The following PSD3 variants were observed in gnomAD, a reference collection of about 807,000 sequenced individuals.
PSD3 encodes the protein pleckstrin and Sec7 domain containing 3.
PSD3 carries 49 observed loss-of-function variants against 105.5 expected under a neutral mutation model. The observed-to-expected ratio is 0.46, with a 90% CI of 0.37 to 0.59. The LOEUF is 0.59. PSD3 is among the 20% of genes least tolerant of loss of function. The probability of loss-of-function intolerance (pLI) is 0.00; values close to 1 mark genes in which losing one functional copy is unlikely to be tolerated. For missense variants in PSD3, 1,561 were observed against 1,263.8 expected (o/e 1.24, Z -3.57); for synonymous variants, 557 against 457.8 (o/e 1.22, Z -2.77).
chr8:18,724,603 C>T (rs1045968289), intron 9 of PSD3, among the ~76,000 whole-genome samples: 5 of 151,686 alleles, frequency 3.3e-5, no homozygotes, highest in South Asian at 4.2e-4. Context: ...CAGAGTGAGA[C>T]CCTGTCTCTA....
intron 2 of PSD3, among the ~76,000 whole-genome samples, chr8:18,910,135 G>A (rs1443749801): frequency 6.6e-6 from 1 of 152,060 alleles, no homozygotes; most frequent in Non-Finnish European, 1.5e-5. Flanking sequence ...TCCCATTACT[G>A]GGTATATACC....
At chr8:18,828,918 G>A (rs1049779438) in intron 4 of PSD3, among the ~76,000 whole-genome samples, 2 of 152,124 alleles carry the variant, frequency 1.3e-5, no homozygotes, top group African/African-American at 4.8e-5. Flanking sequence ...GGCCAACATG[G>A]TGAAACCCTG....
At chr8:18,964,232 T>C (rs1824107226) in intron 1 of PSD3, among the ~76,000 whole-genome samples, 1 of 152,148 alleles carries the variant, frequency 6.6e-6, no homozygotes, top group Non-Finnish European at 1.5e-5. Flanking sequence ...TCATGTGACC[T>C]CCCACCTCAG....
Position 18,978,083 on chromosome 8 carries a change from C to A in PSD3, c.21+35480G>T, listed in dbSNP as rs549301033. On this transcript the variant is annotated intron_variant, in intron 1 of 15. Transcript: ENST00000327040. ...TGCCATTCTCCATTGGGCCAGGCTCCCACCTGACTTTAGGGAGGAATTTGA... is the reference window on the plus strand; with the variant it reads ...TGCCATTCTCCATTGGGCCAGGCTCACACCTGACTTTAGGGAGGAATTTGA... 4.6e-5 allele frequency among the ~76,000 whole-genome samples: 7 copies of A among 152,318 alleles called. No homozygotes were observed. In the South Asian group the frequency reaches 1.4e-3, roughly 32 times the overall value.
chr8:18,961,924 C>T (rs1169055826), intron 1 of PSD3, among the ~76,000 whole-genome samples: 11 of 152,040 alleles, frequency 7.2e-5, no homozygotes, highest in African/African-American at 2.4e-4. Context: ...TGCTTTCCTG[C>T]GAAAACCATG....
At chr8:18,554,064 A>C (rs1355052376) in intron 15 of PSD3, among the ~76,000 whole-genome samples, 1 of 152,204 alleles carries the variant, frequency 6.6e-6, no homozygotes, top group Non-Finnish European at 1.5e-5. Flanking sequence ...CATTTTCAGA[A>C]AAGAGGTAGC....
chr8:18,623,272 G>A (rs1166812470), intron 11 of PSD3, among the ~76,000 whole-genome samples: 1 of 151,662 alleles, frequency 6.6e-6, no homozygotes, highest in Non-Finnish European at 1.5e-5. Flanking sequence ...ATCCTTATAT[G>A]TTTCTAAATT....
At chr8:18,593,552 G>A (rs1333030447) in intron 12 of PSD3, among the ~76,000 whole-genome samples, 1 of 152,096 alleles carries the variant, frequency 6.6e-6, no homozygotes, top group Non-Finnish European at 1.5e-5. Context: ...CAACCATTGT[G>A]GAAGACAGTG....
intron 12 of PSD3, 97 bp from the exon 13 acceptor site, chr8:18,575,382 T>C: frequency 8.6e-7 from 1 of 1,164,594 alleles, no homozygotes; most frequent in South Asian, 2.2e-5. Flanking sequence ...TTTTAGGAAA[T>C]CCAAGTAAGT....
At chr8:18,618,082 C>G (rs769806688) in intron 11 of PSD3, among the ~76,000 whole-genome samples, 4 of 152,152 alleles carry the variant, frequency 2.6e-5, no homozygotes, top group Non-Finnish European at 4.4e-5. Flanking sequence ...TAACAAGAAC[C>G]TTGGCTTCCA....
intron 8 of PSD3, among the ~76,000 whole-genome samples, chr8:18,770,614 C>T (rs981557354): frequency 1.3e-5 from 2 of 152,230 alleles, no homozygotes; most frequent in African/African-American, 4.8e-5. Context: ...GGGCAAATGC[C>T]TTCGGGCACC....
intron 4 of PSD3, among the ~76,000 whole-genome samples, chr8:18,806,963 A>G (rs1811259014): frequency 6.6e-6 from 1 of 152,228 alleles, no homozygotes. Context: ...AGACAGTGGT[A>G]ACGACTAAAC....
intron 6 of PSD3, among the ~76,000 whole-genome samples, chr8:18,801,593 G>A (rs1810695330): frequency 6.6e-6 from 1 of 152,108 alleles, no homozygotes; most frequent in Non-Finnish European, 1.5e-5. Context: ...CACTGTGGGA[G>A]GCCAAGGCAG....
Position 18,610,782 on chromosome 8 carries a change from T to C in PSD3, c.2411-10348A>G, listed in dbSNP as rs1029767649. Among the ~76,000 whole-genome samples the C allele has an allele frequency of 5.3e-5, 8 of 152,290 alleles. No homozygotes were observed. In the South Asian group the frequency reaches 8.3e-4, roughly 16 times the overall value. On this transcript the variant is annotated intron_variant, in intron 11 of 15. Transcript: ENST00000327040. ...GCTGTTCATTCTGGATGTGGCTCTA[T>C]TCCTATAAGAGGTCTCAAGACTTTT...
chr8:18,803,209 C>T (rs1401723548), intron 6 of PSD3: 5 of 203,636 alleles, frequency 2.5e-5, no homozygotes, highest in Admixed American at 5.8e-5. Flanking sequence ...ACTGCTTGAA[C>T]CTGGGAGGTG....
At chr8:18,702,743 G>A (rs916848606) in intron 9 of PSD3, among the ~76,000 whole-genome samples, 28 of 151,948 alleles carry the variant, frequency 1.8e-4, no homozygotes, top group African/African-American at 6.8e-4. Flanking sequence ...CTCCCGAGTA[G>A]CTGGGACTAC....
intron 9 of PSD3, among the ~76,000 whole-genome samples, chr8:18,661,456 C>A (rs1170272163): frequency 6.6e-6 from 1 of 152,138 alleles, no homozygotes; most frequent in African/African-American, 2.4e-5. Context: ...AATGATAAAA[C>A]CAGTTATTAG....
At position 18,925,201 on chromosome 8, in the gene PSD3, G is replaced by C. The variant is rs548706490; in HGVS notation, c.130+10833C>G. Among the ~76,000 whole-genome samples, 38 of 152,238 alleles carry C rather than the reference G, an allele frequency of 2.5e-4. No homozygotes were observed. In the South Asian group the frequency reaches 7.5e-3, roughly 30 times the overall value. On this transcript the variant is annotated intron_variant, in intron 2 of 15. Coordinates refer to ENST00000327040, the MANE Select transcript of PSD3 (RefSeq NM_015310.4). ...CAGGAGTTTGAGACCTGCCGGGGCAGCACAGCCAAACCCCATCTCTACAAA... is the reference window on the plus strand; with the variant it reads ...CAGGAGTTTGAGACCTGCCGGGGCACCACAGCCAAACCCCATCTCTACAAA...
At chr8:18,989,261 C>A (rs1344656865) in intron 1 of PSD3, 1 of 152,114 alleles carries the variant, frequency 6.6e-6, no homozygotes, top group African/African-American at 2.4e-5. Flanking sequence ...GAAGTGGTTT[C>A]ATTTGCCTTA....
Sources: allele counts gnomAD v4.1 joint callset (sites outside exome capture counted in the v4.1 genomes callset), GRCh38; gene constraint gnomAD v4.1.1; transcripts MANE v1.5; gene names NCBI Gene and HGNC (gene_info 2026-07-23, HGNC 2026-07-21).